The following FAM184B variants were observed in gnomAD, a reference collection of about 807,000 sequenced individuals.
The protein encoded by FAM184B is protein FAM184B.
In FAM184B, 111 loss-of-function variants were observed where a neutral mutation model predicts 135.9. The observed-to-expected ratio is 0.82, with a 90% CI of 0.70 to 0.96. The LOEUF (loss-of-function observed/expected upper bound fraction) is 0.96. FAM184B is among the 40% of genes least tolerant of loss of function. The probability of loss-of-function intolerance (pLI) is 0.00; values close to 1 mark genes in which losing one functional copy is unlikely to be tolerated. For missense variants in FAM184B, 1,375 were observed against 1,323.9 expected (o/e 1.04, Z -0.60); for synonymous variants, 552 against 524.8 (o/e 1.05, Z -0.71).
At chr4:17,732,489 A>T (rs1315585622) in intron 1 of FAM184B, among the ~76,000 whole-genome samples, 2 of 152,198 alleles carry the variant, frequency 1.3e-5, no homozygotes, top group Non-Finnish European at 2.9e-5. Flanking sequence ...ATGCAATAAA[A>T]AATGATAAAG....
In FAM184B at chr4:17,647,755, G is replaced by A; in HGVS notation, c.2228C>T (p.Ala743Val). The A allele has an allele frequency of 6.4e-7, 1 of 1,550,740 alleles. No individual in the cohort carries two copies. Among genetic ancestry groups the A allele is most frequent in the Non-Finnish European group, 8.7e-7 (1 of 1,146,950 alleles). Residue 743 changes from alanine to valine, a missense_variant, in exon 12 of 18, where the codon GCC becomes GTC. Coordinates refer to ENST00000265018, the MANE Select transcript of FAM184B (RefSeq NM_015688.2). Reference sequence around the variant, plus strand: ...CAAGTCCTTCTGGTGCCCAGAACAGGCAGCTTGCTGCTCCGACAGCTCCTG... The same window carrying A: ...CAAGTCCTTCTGGTGCCCAGAACAGACAGCTTGCTGCTCCGACAGCTCCTG... ...LRQELSEQQA[A>V]CSGHQKDLEA... is the part of the protein sequence containing the mutation.
At chr4:17,757,187 C>T (rs1718442763) in intron 1 of FAM184B, among the ~76,000 whole-genome samples, 1 of 152,094 alleles carries the variant, frequency 6.6e-6, no homozygotes, top group African/African-American at 2.4e-5. Flanking sequence ...TACAGAGCAT[C>T]ATAAGTAATA....
intron 1 of FAM184B, among the ~76,000 whole-genome samples, chr4:17,717,921 A>G (rs958973908): frequency 6.6e-6 from 1 of 152,222 alleles, no homozygotes. Flanking sequence ...AATCGCAACA[A>G]GTAATGGGGA....
chr4:17,745,948 G>A (rs769804116), intron 1 of FAM184B, among the ~76,000 whole-genome samples: 1 of 152,092 alleles, frequency 6.6e-6, no homozygotes, highest in Non-Finnish European at 1.5e-5. Flanking sequence ...TTTAATTTTT[G>A]TCACTACAAA....
At chr4:17,638,134 C>CTTTTTTTTTTTTTTTT (rs56926847) in intron 14 of FAM184B, among the ~76,000 whole-genome samples, 6 of 73,408 alleles carry the variant, frequency 8.2e-5, no homozygotes, top group African/African-American at 1.8e-4. Context: ...TAACTGTTTG[C>CTTTTTTTTTTTTTTTT]TTTTTTTTTT....
At chr4:17,764,156 T>C (rs148270885) in intron 1 of FAM184B, among the ~76,000 whole-genome samples, 43 of 152,324 alleles carry the variant, frequency 2.8e-4, no homozygotes, top group African/African-American at 1.0e-3. Flanking sequence ...AAATCTGTAT[T>C]GGGTCAATGC....
intron 1 of FAM184B, among the ~76,000 whole-genome samples, chr4:17,764,525 C>T (rs1266236017): frequency 6.6e-6 from 1 of 152,200 alleles, no homozygotes; most frequent in Non-Finnish European, 1.5e-5. Context: ...TAATCTGTCT[C>T]TTACTAGCAC....
chr4:17,759,825 A>G (rs962274094), intron 1 of FAM184B, among the ~76,000 whole-genome samples: 1 of 152,114 alleles, frequency 6.6e-6, no homozygotes, highest in African/African-American at 2.4e-5. Flanking sequence ...AGCTCATTCA[A>G]AAAAGTCTTA....
intron 12 of FAM184B, among the ~76,000 whole-genome samples, chr4:17,642,761 C>T (rs1295785198): frequency 6.6e-6 from 1 of 152,218 alleles, no homozygotes; most frequent in African/African-American, 2.4e-5. Flanking sequence ...CCCTGTAGCA[C>T]CTAGCCTGGT....
chr4:17,734,127 C>T (rs1195128281), intron 1 of FAM184B, among the ~76,000 whole-genome samples: 8 of 152,218 alleles, frequency 5.3e-5, no homozygotes, highest in Non-Finnish European at 4.4e-5. Context: ...TGGCTGGCCA[C>T]ATGTAGAAAG....
At chr4:17,649,885 C>CATCCATCTATCCATCCACCT (rs368626494) in intron 11 of FAM184B, among the ~76,000 whole-genome samples, 2 of 150,786 alleles carry the variant, frequency 1.3e-5, no homozygotes, top group Admixed American at 6.6e-5. Flanking sequence ...TCCATCCACC[C>CATCCATCTATCCATCCACCT]ATCTATCTGT....
Position 17,636,549 on chromosome 4 carries a change from C to T in FAM184B, c.2763G>A (p.Glu921=), listed in dbSNP as rs1715142794. The T allele has an allele frequency of 1.9e-6, 3 of 1,550,802 alleles. No individual in the cohort carries two copies. The highest frequency in any genetic ancestry group is 2.0e-5 in the Admixed American group (1 of 50,982). Residue 921 remains glutamate (E), a synonymous_variant, in exon 15 of 18, where the codon GAG becomes GAA. Coordinates refer to ENST00000265018, the MANE Select transcript of FAM184B (RefSeq NM_015688.2). ...TCACCGTGAGCTGCTTGATGATGTC[C>T]TCTCTCTCCTTCAGGCGGGTCTGCA... ...GRLQTRLKER[E]DIIKQLTEER... is the part of the protein sequence containing the mutation.
At chr4:17,770,470 GTTGTTT>G (rs1279854993) in intron 1 of FAM184B, among the ~76,000 whole-genome samples, 6 of 139,674 alleles carry the variant, frequency 4.3e-5, no homozygotes, top group East Asian at 2.0e-4. Context: ...TGTTGTTGTT[GTTGTTT>G]TTTCTGAGAT....
chr4:17,664,552 C>T lies in FAM184B; in HGVS notation c.1694+10G>A, dbSNP rs1276890393. On this transcript the variant is annotated intron_variant, in intron 8 of 17. Coordinates refer to ENST00000265018, the MANE Select transcript of FAM184B (RefSeq NM_015688.2). ...ATGGAGCACTCAGAAGTCTGCATGT[C>T]CTCCTGTACCTTTCTTCTTCATCAC... 4 of 1,544,778 alleles carry T rather than the reference C, an allele frequency of 2.6e-6. No individual in the cohort carries two copies. The highest frequency in any genetic ancestry group is 2.7e-5 in the African/African-American group (2 of 72,750).
At chr4:17,640,855 T>TC (rs1412995476) in intron 13 of FAM184B, among the ~76,000 whole-genome samples, 35 of 152,344 alleles carry the variant, frequency 2.3e-4, no homozygotes, top group Admixed American at 1.9e-3. Flanking sequence ...AGCGTTTCAT[T>TC]CATGCTAGGG....
chr4:17,643,002 C>T (rs1715367464), intron 12 of FAM184B, among the ~76,000 whole-genome samples: 1 of 152,236 alleles, frequency 6.6e-6, no homozygotes. Flanking sequence ...AATCTGTGGC[C>T]CAGGCCCCAT....
At chr4:17,641,305 A>G (rs115998345) in intron 13 of FAM184B, among the ~76,000 whole-genome samples, 2,147 of 152,052 alleles carry the variant, frequency 0.014, 21 homozygotes, top group Middle Eastern at 0.024. Flanking sequence ...CCAACCTCAC[A>G]CAGCTAATTA....
intron 1 of FAM184B, among the ~76,000 whole-genome samples, chr4:17,779,959 G>A (rs1719003141): frequency 6.6e-6 from 1 of 152,166 alleles, no homozygotes; most frequent in Non-Finnish European, 1.5e-5. Flanking sequence ...CATGAATGTA[G>A]GTTAGATCAA....
chr4:17,780,989 T>C (rs1719021242), intron 1 of FAM184B, among the ~76,000 whole-genome samples, 170 bp downstream of exon 1: 1 of 152,130 alleles, frequency 6.6e-6, no homozygotes, highest in African/African-American at 2.4e-5. Flanking sequence ...GGATGGTGCC[T>C]CTAGAAGGTC....
Sources: gnomAD v4.1 joint callset for allele counts (sites outside exome capture counted in the v4.1 genomes callset) on GRCh38, gnomAD v4.1.1 for gene constraint, MANE v1.5 for transcripts, NCBI Gene and HGNC (gene_info 2026-07-23, HGNC 2026-07-21) for gene names.